Variants in CTNND2 observed in about 807,000 individuals in gnomAD.
CTNND2 encodes the protein catenin delta-2.
A neutral mutation model predicts 144.4 loss-of-function variants in CTNND2; 22 were observed. The ratio of observed to expected loss-of-function variants is 0.15; its 90% confidence interval spans 0.11 to 0.22. CTNND2 has a LOEUF of 0.22. CTNND2 is among the 10% of genes least tolerant of loss of function. The probability of loss-of-function intolerance (pLI) is 1.00; values close to 1 mark genes in which losing one functional copy is unlikely to be tolerated. For missense variants in CTNND2, 1,353 were observed against 1,618.8 expected, an observed-to-expected ratio of 0.84 and a Z score of 2.82; for synonymous variants, 751 against 695.6, an observed-to-expected ratio of 1.08 and a Z score of -1.25.
intron 11 of CTNND2, among the ~76,000 whole-genome samples, chr5:11,176,654 A>C (rs1323057519): frequency 6.6e-6 from 1 of 152,162 alleles, no homozygotes; most frequent in Non-Finnish European, 1.5e-5. Flanking sequence ...TACTCTGTGA[A>C]GACTGGTTTC....
In CTNND2 at chr5:11,384,948, G is replaced by A. The variant is rs1173754529; in HGVS notation, c.894C>T (p.Ser298=). Reference sequence around the variant, plus strand: ...GGCGGCTGGGCGACTGCTTGGGCGAGGAGCCGCGCGGCGCGGCGTAGGTGG... The same window carrying A: ...GGCGGCTGGGCGACTGCTTGGGCGAAGAGCCGCGCGGCGCGGCGTAGGTGG... The part of the protein sequence containing the change: ...EGATYAAPRG[S]SPKQSPSRLA... The change falls in exon 7 of 22, where the codon TCC becomes TCT. Residue 298 remains serine, a synonymous_variant. Transcript: ENST00000304623. The surrounding 1 kb of genome is among the most constrained non-coding windows in gnomAD (Gnocchi z 5.2). The A allele has an allele frequency of 1.3e-6, 2 of 1,579,026 alleles. No homozygotes were observed. The highest frequency in any genetic ancestry group is 1.7e-6 in the Non-Finnish European group (2 of 1,166,020).
intron 1 of CTNND2, among the ~76,000 whole-genome samples, chr5:11,783,922 G>C (rs996502425): frequency 6.6e-6 from 1 of 152,190 alleles, no homozygotes; most frequent in Non-Finnish European, 1.5e-5. Context: ...CCCTGGGTGA[G>C]AGATCACTTA....
At chr5:10,981,732 C>G in intron 21 of CTNND2, 41 bp downstream of exon 21, 1 of 1,530,862 alleles carries the variant, frequency 6.5e-7, no homozygotes, top group Non-Finnish European at 9.0e-7. Flanking sequence ...TCACATGAGT[C>G]ACACTGAAAA....
Position 11,490,931 on chromosome 5 carries a change from C to T in CTNND2, c.287+74013G>A, listed in dbSNP as rs1430003826. 7.2e-5 allele frequency among the ~76,000 whole-genome samples: 11 copies of T among 152,012 alleles called. No individual in the cohort carries two copies. In the South Asian group the frequency reaches 8.3e-4, roughly 11 times the overall value. ...TGAGCTCAGGAGGTTGAGGCTACAG[C>T]GAGACGTGATTACACCACCACAGTC... On this transcript the variant is annotated intron_variant, in intron 3 of 21. Coordinates refer to ENST00000304623, the MANE Select transcript of CTNND2 (RefSeq NM_001332.4).
chr5:11,180,126 C>T (rs1307010691), intron 11 of CTNND2, among the ~76,000 whole-genome samples: 1 of 152,114 alleles, frequency 6.6e-6, no homozygotes, highest in Non-Finnish European at 1.5e-5. Flanking sequence ...TGGGAGGTGA[C>T]TGCATCATGG....
intron 2 of CTNND2, among the ~76,000 whole-genome samples, chr5:11,662,509 G>C (rs1228267002): frequency 6.6e-6 from 1 of 151,932 alleles, no homozygotes; most frequent in African/African-American, 2.4e-5. Flanking sequence ...ACGATTTTCT[G>C]CCTGCTTTAT....
At chr5:11,431,799 A>C (rs1314125352) in intron 3 of CTNND2, among the ~76,000 whole-genome samples, 2 of 152,054 alleles carry the variant, frequency 1.3e-5, no homozygotes, top group Admixed American at 1.3e-4. Context: ...CTAGACCCAG[A>C]AGCTCTGGGC....
rs115719552 is a variant in CTNND2, at chr5:11,645,425, C to T, written c.175-80369G>A. Among the ~76,000 whole-genome samples the T allele has an allele frequency of 5.7e-3, 872 of 152,264 alleles. 7 individuals are homozygous for T. The highest frequency in any genetic ancestry group is 0.02 in the African/African-American group (840 of 41,568). On this transcript the variant is annotated intron_variant, in intron 2 of 21. Coordinates refer to ENST00000304623, the MANE Select transcript of CTNND2 (RefSeq NM_001332.4). ...TCACAACACTATTTTTAAAAAGTTACATTAAAAACACTTTGTATTTGCCTA... is the reference window on the plus strand; with the variant it reads ...TCACAACACTATTTTTAAAAAGTTATATTAAAAACACTTTGTATTTGCCTA...
intron 15 of CTNND2, among the ~76,000 whole-genome samples, chr5:11,096,769 G>T (rs140660218): frequency 6.6e-6 from 1 of 151,796 alleles, no homozygotes; most frequent in East Asian, 1.9e-4. Flanking sequence ...AGAAAGAAGA[G>T]AGAGACAGAG....
chr5:11,853,111 T>C lies in CTNND2; in HGVS notation c.37+50706A>G, dbSNP rs150724289. ...ACTTAGTTGGAGATTGCTCCCCAAC[T>C]TCTCACCAGGTCTCTTGTGCTAGGG... On this transcript the variant is annotated intron_variant, in intron 1 of 21. Coordinates refer to ENST00000304623, the MANE Select transcript of CTNND2 (RefSeq NM_001332.4). Among the ~76,000 whole-genome samples, 141 of 152,286 alleles carry C rather than the reference T, an allele frequency of 9.3e-4. 1 individual carries two copies. The highest frequency in any genetic ancestry group is 3.2e-3 in the African/African-American group (134 of 41,556).
intron 1 of CTNND2, among the ~76,000 whole-genome samples, chr5:11,767,649 G>A (rs142874698): frequency 2.1e-3 from 318 of 152,262 alleles, no homozygotes; most frequent in Non-Finnish European, 3.4e-3. Context: ...TTCCTAGGAT[G>A]CCTATCAAGG....
intron 3 of CTNND2, among the ~76,000 whole-genome samples, chr5:11,542,472 A>G (rs1774851504): frequency 6.6e-6 from 1 of 152,188 alleles, no homozygotes; most frequent in Non-Finnish European, 1.5e-5. Context: ...GCAGCCAGTA[A>G]TGCAAAATGT....
At chr5:11,173,081 C>T (rs1219161609) in intron 11 of CTNND2, among the ~76,000 whole-genome samples, 2 of 152,258 alleles carry the variant, frequency 1.3e-5, no homozygotes, top group African/African-American at 4.8e-5. Context: ...ATATACAACA[C>T]TGTAATGTCT....
intron 10 of CTNND2, among the ~76,000 whole-genome samples, chr5:11,215,388 T>C (rs922692848): frequency 6.6e-6 from 1 of 152,260 alleles, no homozygotes; most frequent in Admixed American, 6.5e-5. Flanking sequence ...GCACTATGTA[T>C]AAAATGCCTC....
chr5:11,432,131 T>TATTTA (rs1400996821), intron 3 of CTNND2, among the ~76,000 whole-genome samples: 1 of 150,752 alleles, frequency 6.6e-6, no homozygotes, highest in African/African-American at 2.4e-5. Context: ...CTTTTTTTTT[T>TATTTA]TTTTTTTTTT....
chr5:11,817,597 G>A (rs1793059609), intron 1 of CTNND2, among the ~76,000 whole-genome samples: 1 of 151,994 alleles, frequency 6.6e-6, no homozygotes, highest in South Asian at 2.1e-4. Context: ...AGCTTTGCGG[G>A]GCAGCTGTGG....
intron 15 of CTNND2, among the ~76,000 whole-genome samples, chr5:11,096,260 G>A (rs1366858629): frequency 1.3e-5 from 2 of 152,078 alleles, no homozygotes; most frequent in African/African-American, 2.4e-5. Flanking sequence ...GTGGTTTGCT[G>A]CACCCATCAA....
chr5:11,579,941 C>T (rs1474522876), intron 2 of CTNND2, among the ~76,000 whole-genome samples: 1 of 152,154 alleles, frequency 6.6e-6, no homozygotes, highest in Non-Finnish European at 1.5e-5. Flanking sequence ...CCAATTTTTT[C>T]CCAAACAATT....
intron 10 of CTNND2, among the ~76,000 whole-genome samples, chr5:11,216,085 T>A (rs1739142116): frequency 6.6e-6 from 1 of 152,164 alleles, no homozygotes; most frequent in South Asian, 2.1e-4. Context: ...TCCTGAATCT[T>A]ATCTGAAGGA....
Sources: allele counts gnomAD v4.1 joint callset (sites outside exome capture counted in the v4.1 genomes callset), GRCh38; gene constraint gnomAD v4.1.1; non-coding constraint Gnocchi (gnomAD v3.1); transcripts MANE v1.5; gene names NCBI Gene and HGNC (gene_info 2026-07-23, HGNC 2026-07-21).